SERHL2: variants seen among roughly 807,000 people sequenced by gnomAD.
The protein encoded by SERHL2 is serine hydrolase like 2, also known as serine hydrolase-like protein 2.
A neutral mutation model predicts 25.5 loss-of-function variants in SERHL2; 29 were observed. The observed-to-expected ratio is 1.14, with a 90% CI of 0.85 to 1.55. The LOEUF is 1.55. Among genes scored for constraint, SERHL2 ranks in the 40% most tolerant of loss-of-function variants. The pLI, the probability that SERHL2 is intolerant of heterozygous loss-of-function variation, is 0.00. For missense variants in SERHL2, 240 were observed against 252.3 expected, an observed-to-expected ratio of 0.95 and a Z score of 0.33; for synonymous variants, 95 against 103.5, an observed-to-expected ratio of 0.92 and a Z score of 0.50.
rs777569551 is a variant in SERHL2, at chr22:42,560,098, C to T, written c.534-88C>T. ...AAGTGCTGGGATTACAGGCATGAGC[C>T]ACCGTCCCCCCCGGCCCTCCTCTCC... On this transcript the variant is annotated intron_variant, in intron 7 of 11. Coordinates refer to ENST00000327678, the MANE Select transcript of SERHL2 (RefSeq NM_014509.5). 211 of 961,994 alleles carry T rather than the reference C, an allele frequency of 2.2e-4. 4 individuals are homozygous for T. Among genetic ancestry groups the T allele is most frequent in the Non-Finnish European group, 3.2e-4 (190 of 595,968 alleles). 59.6% of individuals were successfully genotyped at this position (961,994 alleles called of 1,614,324 possible). A position where few individuals can be genotyped will look rare whatever the true frequency, so the allele number is the denominator to read the frequency against.
At position 42,571,171 on chromosome 22, in the gene SERHL2, C is replaced by T; in HGVS notation, c.699C>T (p.Ile233=). The T allele has an allele frequency of 6.2e-7, 1 of 1,613,434 alleles. No individual in the cohort carries two copies. The highest frequency in any genetic ancestry group is 8.5e-7 in the Non-Finnish European group (1 of 1,179,656). ...GCAGGGAGCTGTGTGCGCATTCCATCAGGAAGCTGCAGGCCCATGTCCTGT... is the reference window on the plus strand; with the variant it reads ...GCAGGGAGCTGTGTGCGCATTCCATTAGGAAGCTGCAGGCCCATGTCCTGT... ...FISRELCAHS[I]RKLQAHVLLI... The change falls in exon 10 of 12, where the codon ATC becomes ATT. Residue 233 remains isoleucine (I), a synonymous_variant. Transcript: ENST00000327678.
chr22:42,568,093 T>C (rs1357909628), intron 9 of SERHL2, among the ~76,000 whole-genome samples: 1 of 151,970 alleles, frequency 6.6e-6, no homozygotes, highest in African/African-American at 2.4e-5. Flanking sequence ...GGCTCAATTA[T>C]GGCTCACACA....
At chr22:42,572,244 G>A (rs1272889826) in intron 10 of SERHL2, among the ~76,000 whole-genome samples, 192 bp from the exon 11 acceptor site, 2 of 152,068 alleles carry the variant, frequency 1.3e-5, no homozygotes, top group Non-Finnish European at 2.9e-5. Flanking sequence ...TGCCTGGCTT[G>A]TGCCAGCTGA....
intron 7 of SERHL2, among the ~76,000 whole-genome samples, chr22:42,559,372 C>T (rs2146677319): frequency 6.6e-6 from 1 of 151,474 alleles, no homozygotes; most frequent in East Asian, 1.9e-4. Flanking sequence ...TGCCACTGCA[C>T]TCCAGTCTGG....
intron 8 of SERHL2, 85 bp from the exon 9 acceptor site, chr22:42,566,219 C>T: frequency 7.1e-7 from 1 of 1,409,534 alleles, no homozygotes; most frequent in South Asian, 1.2e-5. Context: ...CTGCAAAGGC[C>T]TGGAGGGTTC....
chr22:42,561,563 G>A (rs987975184), intron 8 of SERHL2, among the ~76,000 whole-genome samples: 1 of 151,760 alleles, frequency 6.6e-6, no homozygotes, highest in Admixed American at 6.6e-5. Flanking sequence ...CTTTGGAGCT[G>A]GAGGCAGCCC....
At chr22:42,556,344 G>C (rs976857906) in intron 5 of SERHL2, 170 bp from the exon 6 acceptor site, 17 of 550,052 alleles carry the variant, frequency 3.1e-5, no homozygotes, top group Non-Finnish European at 4.4e-5. Context: ...CAGACTTAGG[G>C]GTGGTGGGGG....
At chr22:42,561,064 G>C (rs1441280638) in intron 8 of SERHL2, among the ~76,000 whole-genome samples, 1 of 151,968 alleles carries the variant, frequency 6.6e-6, no homozygotes, top group Non-Finnish European at 1.5e-5. Flanking sequence ...GAAGAGTCTG[G>C]GCAGAGGCCT....
At chr22:42,573,873 G>T in intron 11 of SERHL2, 63 bp from the exon 12 acceptor site, 5 of 1,539,292 alleles carry the variant, frequency 3.2e-6, no homozygotes, top group East Asian at 2.3e-5. Flanking sequence ...CTGACCCCGG[G>T]GCCCATGGAG....
Position 42,554,137 on chromosome 22 carries a change from G to A in SERHL2, c.22+95G>A, listed in dbSNP as rs998684994. The A allele has an allele frequency of 1.6e-5, 23 of 1,445,546 alleles. 1 individual carries two copies. Among genetic ancestry groups the A allele is most frequent in the Middle Eastern group, 1.9e-4 (1 of 5,232 alleles). The allele number at this position is 1,445,546 out of a possible 1,614,324, so 89.5% of individuals were successfully genotyped here. A position where few individuals can be genotyped will look rare whatever the true frequency, so the allele number is the denominator to read the frequency against. ...GGATGGAGTGGAGGGTTCGCCGACC[G>A]CGTCGCCCTCCTGGGTGTCGCAGCT... is the stretch of plus-strand genomic sequence containing the variant. On this transcript the variant is annotated intron_variant, in intron 1 of 11. Transcript: ENST00000327678.
chr22:42,559,343 C>A (rs1402448559), intron 7 of SERHL2, among the ~76,000 whole-genome samples: 1 of 150,598 alleles, frequency 6.6e-6, no homozygotes, highest in Non-Finnish European at 1.5e-5. Context: ...GAGGTCGAGG[C>A]TGCAGACAGC....
rs746770694 is a variant in SERHL2 at position 42,566,339 on chromosome 22, G to C, written c.648+1G>C. The C allele has an allele frequency of 9.3e-6, 15 of 1,611,648 alleles. No homozygotes were observed. Among genetic ancestry groups the C allele is most frequent in the East Asian group, 6.7e-5 (3 of 44,862 alleles). ...GAACAGAGACCAGAGGCTCGCCTGGGTGAGTACCACTGCCTCCGGGTCCCC... is the reference window on the plus strand; with the variant it reads ...GAACAGAGACCAGAGGCTCGCCTGGCTGAGTACCACTGCCTCCGGGTCCCC... On this transcript the variant is annotated splice_donor_variant, in intron 9 of 11. Transcript: ENST00000327678. LOFTEE classifies it high-confidence loss of function.
In SERHL2 at chr22:42,571,348, C is replaced by G. The variant is rs1352717517; in HGVS notation, c.731+145C>G. ...CTCAAGATCTTTTTTGGGAAGCCCC[C>G]CTGGCAGCAGGGTCATGGAAGGAGG... is the stretch of plus-strand genomic sequence containing the variant. On this transcript the variant is annotated intron_variant, in intron 10 of 11. Transcript: ENST00000327678. 1.0e-5 allele frequency: 15 copies of G among 1,483,332 alleles called. No homozygotes were observed. The East Asian group carries it at 2.8e-4, about 28-fold the overall frequency. The allele number at this position is 1,483,332 out of a possible 1,614,324, so 91.9% of individuals were successfully genotyped here.
intron 9 of SERHL2, among the ~76,000 whole-genome samples, chr22:42,567,520 C>T (rs1045090777): frequency 2.0e-5 from 3 of 151,170 alleles, no homozygotes; most frequent in African/African-American, 7.2e-5. Context: ...AAAAATTAGC[C>T]GGGCGCGGTG....
intron 8 of SERHL2, among the ~76,000 whole-genome samples, chr22:42,561,424 T>C (rs1474565566): frequency 6.7e-6 from 1 of 149,906 alleles, no homozygotes; most frequent in Non-Finnish European, 1.5e-5. Context: ...GAGGTGGGCA[T>C]GTGCCTTCCC....
At chr22:42,565,575 C>T (rs1020803359) in intron 8 of SERHL2, among the ~76,000 whole-genome samples, 4 of 151,832 alleles carry the variant, frequency 2.6e-5, no homozygotes, top group African/African-American at 7.3e-5. Context: ...TCGCCTGCCT[C>T]GGCCTCCCAA....
intron 8 of SERHL2, among the ~76,000 whole-genome samples, chr22:42,565,614 A>G (rs937797768): frequency 3.3e-5 from 5 of 151,382 alleles, no homozygotes; most frequent in African/African-American, 1.2e-4. Context: ...TTGAGCCACC[A>G]TGCCTGGCCT....
chr22:42,567,664 C>T (rs1569280984), intron 9 of SERHL2, among the ~76,000 whole-genome samples: 1 of 147,964 alleles, frequency 6.8e-6, no homozygotes, highest in Admixed American at 6.7e-5. Flanking sequence ...GAGCGAGACT[C>T]CATGTCAAAA....
rs781438611 is a variant in SERHL2, at chr22:42,572,523, CAA to C, written c.821_822del (p.Lys274ArgfsTer48). 1.9e-6 allele frequency: 3 copies of C among 1,612,126 alleles called. No individual in the cohort carries two copies. Among genetic ancestry groups the C allele is most frequent in the East Asian group, 2.2e-5 (1 of 44,880 alleles). Reference sequence around the variant, plus strand: ...TGATAGACACGATGAAATCCACCCTCAAAGAGGTAAGACGGGGCTCAGGCAGC... The same window carrying C: ...TGATAGACACGATGAAATCCACCCTCAGAGGTAAGACGGGGCTCAGGCAGC... Reference protein sequence around the residue: ...FMIDTMKSTLKEQFQFVEVPG... With the variant: ...FMIDTMKSTLXEQFQFVEVPG... On this transcript the variant is annotated frameshift_variant, in exon 11 of 12. Coordinates refer to ENST00000327678, the MANE Select transcript of SERHL2 (RefSeq NM_014509.5). LOFTEE classifies it low-confidence loss of function (END_TRUNC).
Sources: gnomAD v4.1 joint callset for allele counts (sites outside exome capture counted in the v4.1 genomes callset) on GRCh38, gnomAD v4.1.1 for gene constraint, MANE v1.5 for transcripts, NCBI Gene and HGNC (gene_info 2026-07-23, HGNC 2026-07-21) for gene names.